FOXP2: variants seen among roughly 807,000 people sequenced by gnomAD.
FOXP2 encodes the protein forkhead box P2.
A neutral mutation model predicts 115.8 loss-of-function variants in FOXP2; 12 were observed. That is an observed-to-expected ratio of 0.10 (90% confidence interval 0.07 to 0.17). The LOEUF is 0.17. Ranked by LOEUF, FOXP2 falls within the 10% of genes least tolerant of loss-of-function variation. The pLI is 1.00. For missense variants in FOXP2, 629 were observed against 843.5 expected (o/e 0.75, Z 3.15); for synonymous variants, 328 against 297.7 (o/e 1.10, Z -1.05).
At position 114,426,698 on chromosome 7, in the gene FOXP2, A is replaced by G. The variant is rs780598363; in HGVS notation, c.168+19A>G. On this transcript the variant is annotated intron_variant, in intron 2 of 16. Coordinates refer to ENST00000350908, the MANE Select transcript of FOXP2 (RefSeq NM_014491.4). Reference sequence around the variant, plus strand: ...ACAGCAGGTAAGTTTTGTTTTCCTCAGTGCTTCCTTAAAACAAATAAGCTT... The same window carrying G: ...ACAGCAGGTAAGTTTTGTTTTCCTCGGTGCTTCCTTAAAACAAATAAGCTT... 1 of 1,609,626 alleles carries G rather than the reference A, an allele frequency of 6.2e-7. No homozygotes were observed. The highest frequency in any genetic ancestry group is 2.2e-5 in the East Asian group (1 of 44,642).
chr7:114,614,847 T>A (rs189893630), intron 3 of FOXP2, among the ~76,000 whole-genome samples: 1 of 152,244 alleles, frequency 6.6e-6, no homozygotes, highest in East Asian at 1.9e-4. Context: ...TTTGTGTTTT[T>A]CCCCTCAGAT....
intron 3 of FOXP2, among the ~76,000 whole-genome samples, chr7:114,607,843 T>G (rs1803411708): frequency 6.6e-6 from 1 of 151,958 alleles, no homozygotes; most frequent in Non-Finnish European, 1.5e-5. Flanking sequence ...TAAAAGAAAA[T>G]AAAGATATGT....
At chr7:114,501,156 G>C (rs536864760) in intron 2 of FOXP2, among the ~76,000 whole-genome samples, 1 of 152,078 alleles carries the variant, frequency 6.6e-6, no homozygotes, top group Non-Finnish European at 1.5e-5. Flanking sequence ...TTGCCTCAGA[G>C]ACTAAAGGTA....
At chr7:114,468,439 A>G (rs902613943) in intron 2 of FOXP2, among the ~76,000 whole-genome samples, 9 of 152,132 alleles carry the variant, frequency 5.9e-5, no homozygotes, top group Admixed American at 2.0e-4. Context: ...AAACTACTTA[A>G]GGTGACATTG....
At chr7:114,310,874 G>C (rs1345652744) in intron 2 of FOXP2, among the ~76,000 whole-genome samples, 1 of 152,150 alleles carries the variant, frequency 6.6e-6, no homozygotes, top group East Asian at 1.9e-4. Context: ...AGTACACTTG[G>C]AAGAGGGACA....
At chr7:114,512,701 T>A (rs993087818) in intron 2 of FOXP2, among the ~76,000 whole-genome samples, 1 of 152,208 alleles carries the variant, frequency 6.6e-6, no homozygotes, top group East Asian at 1.9e-4. Flanking sequence ...AAGCCATAAT[T>A]TTGTTTTTAT....
At chr7:114,157,797 A>G (rs1448434899) in intron 1 of FOXP2, among the ~76,000 whole-genome samples, 1 of 152,126 alleles carries the variant, frequency 6.6e-6, no homozygotes, top group Non-Finnish European at 1.5e-5. Context: ...CATATTCTGT[A>G]AAGATAATGA....
At chr7:114,368,694 G>C in intron 2 of FOXP2, among the ~76,000 whole-genome samples, 1 of 152,202 alleles carries the variant, frequency 6.6e-6, no homozygotes, top group East Asian at 1.9e-4. Flanking sequence ...AGTTTCAACA[G>C]TGTTGCATGC....
chr7:114,679,056 C>T (rs1807931180), intron 16 of FOXP2, among the ~76,000 whole-genome samples: 1 of 152,150 alleles, frequency 6.6e-6, no homozygotes, highest in African/African-American at 2.4e-5. Context: ...CCTCCACCTC[C>T]CAGGCTCAAG....
At chr7:114,492,042 G>T (rs1392013354) in intron 2 of FOXP2, among the ~76,000 whole-genome samples, 1 of 152,044 alleles carries the variant, frequency 6.6e-6, no homozygotes, top group East Asian at 1.9e-4. Context: ...ATCTGGTCCT[G>T]GACTTTTTTT....
chr7:114,598,857 T>C (rs1334108206), intron 3 of FOXP2, among the ~76,000 whole-genome samples: 2 of 152,146 alleles, frequency 1.3e-5, no homozygotes. Context: ...ATTCAGATTG[T>C]AAAATAGAAC....
At chr7:114,515,646 A>C (rs1208888995) in intron 2 of FOXP2, among the ~76,000 whole-genome samples, 1 of 151,718 alleles carries the variant, frequency 6.6e-6, no homozygotes, top group African/African-American at 2.4e-5. Flanking sequence ...AGGTTGCGAA[A>C]ATTTTCTCCC....
At chr7:114,297,898 G>A (rs1796781961) in intron 2 of FOXP2, among the ~76,000 whole-genome samples, 1 of 152,058 alleles carries the variant, frequency 6.6e-6, no homozygotes, top group Non-Finnish European at 1.5e-5. Flanking sequence ...TTAAAATAAT[G>A]CTGTATTTTT....
chr7:114,674,504 T>C (rs1429712392), intron 16 of FOXP2, among the ~76,000 whole-genome samples: 3 of 152,226 alleles, frequency 2.0e-5, no homozygotes, highest in African/African-American at 7.2e-5. Flanking sequence ...TGGCAGCTAC[T>C]ACACGCAAAC....
chr7:114,650,910 A>C (rs778022197), intron 8 of FOXP2, among the ~76,000 whole-genome samples: 22 of 152,108 alleles, frequency 1.4e-4, no homozygotes, highest in Non-Finnish European at 7.4e-5. Flanking sequence ...ATCAAGGTAT[A>C]GGCAAAACAA....
At chr7:114,316,639 C>G (rs1468431483) in intron 2 of FOXP2, among the ~76,000 whole-genome samples, 1 of 151,864 alleles carries the variant, frequency 6.6e-6, no homozygotes, top group Non-Finnish European at 1.5e-5. Flanking sequence ...AAGGAGTGAG[C>G]CCTGTAGATA....
chr7:114,361,790 C>CA (rs766009523), intron 2 of FOXP2, among the ~76,000 whole-genome samples: 15 of 151,962 alleles, frequency 9.9e-5, no homozygotes, highest in Admixed American at 6.6e-5. Flanking sequence ...AAGCCCACTC[C>CA]AAAAAAGCAG....
At chr7:114,574,227 G>A (rs1401821005) in intron 3 of FOXP2, among the ~76,000 whole-genome samples, 4 of 151,530 alleles carry the variant, frequency 2.6e-5, no homozygotes, top group Non-Finnish European at 5.9e-5. Context: ...GGGCTCCTTC[G>A]ATTGTATATT....
chr7:114,630,424 G>C (rs1485315204), intron 5 of FOXP2, among the ~76,000 whole-genome samples: 1 of 152,150 alleles, frequency 6.6e-6, no homozygotes, highest in Non-Finnish European at 1.5e-5. Flanking sequence ...AGATTTCAAA[G>C]TCACAGGCCC....
Sources: gnomAD v4.1 joint callset for allele counts (sites outside exome capture counted in the v4.1 genomes callset) on GRCh38, gnomAD v4.1.1 for gene constraint, MANE v1.5 for transcripts, NCBI Gene and HGNC (gene_info 2026-07-23, HGNC 2026-07-21) for gene names.